Variants in PDK2 observed in about 807,000 individuals in gnomAD.
PDK2 encodes pyruvate dehydrogenase kinase, isozyme 2.
A neutral mutation model predicts 50.4 loss-of-function variants in PDK2; 34 were observed. The ratio of observed to expected loss-of-function variants is 0.68; its 90% CI spans 0.51 to 0.90. The LOEUF (loss-of-function observed/expected upper bound fraction) is 0.90. Ranked by LOEUF, PDK2 falls within the 40% of genes least tolerant of loss-of-function variation. The pLI, the probability that PDK2 is intolerant of heterozygous loss-of-function variation, is 0.00. For missense variants in PDK2, 377 were observed against 544.5 expected, an observed-to-expected ratio of 0.69 and a Z score of 3.06; for synonymous variants, 232 against 216.0, an observed-to-expected ratio of 1.07 and a Z score of -0.65.
intron 2 of PDK2, among the ~76,000 whole-genome samples, chr17:50,103,504 G>A (rs1291773845): frequency 6.6e-6 from 1 of 152,232 alleles, no homozygotes; most frequent in Non-Finnish European, 1.5e-5. Flanking sequence ...GCTAGGCACT[G>A]TGCTAATCAT....
intron 2 of PDK2, chr17:50,098,454 T>C (rs949451635): frequency 1.3e-5 from 2 of 152,202 alleles, no homozygotes; most frequent in African/African-American, 4.8e-5. Flanking sequence ...GAGTCCAGCA[T>C]AGTGCTAGGA....
rs532972380 is a variant in PDK2 at position 50,101,557 on chromosome 17, T to C, written c.261-3814T>C. On this transcript the variant is annotated intron_variant, in intron 2 of 10. Transcript: ENST00000503176. The surrounding 1 kb of genome is among the most constrained non-coding windows in gnomAD (Gnocchi z 4.2). ...CACCCTGCTCCCCAGCAGCTGTGGATACGAGTGCACAGGGCACACCCTCGC... is the reference window on the plus strand; with the variant it reads ...CACCCTGCTCCCCAGCAGCTGTGGACACGAGTGCACAGGGCACACCCTCGC... Among the ~76,000 whole-genome samples, 3,305 of 152,160 alleles carry C rather than the reference T, an allele frequency of 0.022. 105 individuals are homozygous for C. Among genetic ancestry groups the C allele is most frequent in the African/African-American group, 0.071 (2,928 of 41,496 alleles).
chr17:50,103,772 G>A (rs1013702035), intron 2 of PDK2, among the ~76,000 whole-genome samples: 1 of 152,204 alleles, frequency 6.6e-6, no homozygotes, highest in Admixed American at 6.5e-5. Context: ...GAAGCGTGGA[G>A]GTGAGAGTCG....
chr17:50,107,279 A>G lies in PDK2; in HGVS notation c.685+126A>G, dbSNP rs1910567432. 4.3e-6 allele frequency: 3 copies of G among 702,992 alleles called. No homozygotes were observed. In the African/African-American group the frequency reaches 5.3e-5, roughly 13 times the overall value. The allele number at this position is 702,992 out of a possible 1,614,324, so 43.5% of individuals were successfully genotyped here. On this transcript the variant is annotated intron_variant, in intron 6 of 10. Transcript: ENST00000503176. ...GAGAAGCAGAGTTATTATATTATTA[A>G]TTCATTTGATAAATATTTGGGCTGG...
At chr17:50,106,365 A>T in intron 4 of PDK2, 1 of 648,626 alleles carries the variant, frequency 1.5e-6, no homozygotes, top group Non-Finnish European at 2.4e-6. Flanking sequence ...ATTATGTTCA[A>T]AAACAATTTG....
chr17:50,103,316 G>A (rs551061834), intron 2 of PDK2, among the ~76,000 whole-genome samples: 4 of 151,372 alleles, frequency 2.6e-5, no homozygotes, highest in South Asian at 4.1e-4. Context: ...AGCCCCCTTC[G>A]TGTGGCAGTG....
chr17:50,108,490 C>T, intron 8 of PDK2, 73 bp downstream of exon 8: 6 of 1,417,336 alleles, frequency 4.2e-6, no homozygotes, highest in Non-Finnish European at 5.9e-6. Flanking sequence ...GACGGGCTTT[C>T]CTTTTCTCCT....
Position 50,109,592 on chromosome 17 carries a change from G to A in PDK2, c.1083+192G>A, listed in dbSNP as rs1910716444. 6.6e-6 allele frequency among the ~76,000 whole-genome samples: 1 copy of A among 152,172 alleles called. No homozygotes were observed. The highest frequency in any genetic ancestry group is 6.5e-5 in the Admixed American group (1 of 15,282). ...CCCCCAGACACGCACTGCTTGTCAGGGAATTTAGGGGAGTCTGTGGTCTAT... is the reference window on the plus strand; with the variant it reads ...CCCCCAGACACGCACTGCTTGTCAGAGAATTTAGGGGAGTCTGTGGTCTAT... On this transcript the variant is annotated intron_variant, in intron 10 of 10. Coordinates refer to ENST00000503176, the MANE Select transcript of PDK2 (RefSeq NM_002611.5). This position sits in a 1 kb window ranked among gnomAD's most constrained non-coding sequence, Gnocchi z 5.0.
At position 50,110,585 on chromosome 17, in the gene PDK2, T is replaced by TA. The variant is rs1397515859; in HGVS notation, c.*489dup. 1.3e-5 allele frequency: 2 copies of TA among 152,426 alleles called. No homozygotes were observed. Among genetic ancestry groups the TA allele is most frequent in the Middle Eastern group, 3.2e-3 (1 of 316 alleles). 9.4% of individuals were successfully genotyped at this position (152,426 alleles called of 1,614,324 possible). Reference sequence around the variant, plus strand: ...CTGGGGACTGAGTGGGGAAAGGAGTTACACCCGTGAGTGGGGAATGAGGCT... The same window carrying TA: ...CTGGGGACTGAGTGGGGAAAGGAGTTAACACCCGTGAGTGGGGAATGAGGCT... On this transcript the variant is annotated 3_prime_UTR_variant, in exon 11 of 11. Transcript: ENST00000503176.
chr17:50,097,657 G>A (rs1004036293), intron 2 of PDK2, 93 bp downstream of exon 2: 76 of 1,467,814 alleles, frequency 5.2e-5, no homozygotes, highest in Non-Finnish European at 6.9e-5. Context: ...GCAGCTTTGA[G>A]GGTGGGGTGG....
At chr17:50,103,144 TTGTC>T (rs1234182334) in intron 2 of PDK2, among the ~76,000 whole-genome samples, 1 of 152,194 alleles carries the variant, frequency 6.6e-6, no homozygotes, top group African/African-American at 2.4e-5. Context: ...GCCAGCCTGA[TTGTC>T]TGCTGGGGTG....
At chr17:50,095,849 G>A (rs1909910058) in intron 1 of PDK2, 2 of 1,076,140 alleles carry the variant, frequency 1.9e-6, no homozygotes. Flanking sequence ...TGCAGGAAGG[G>A]AGTAGGGTGG....
Position 50,108,616 on chromosome 17 carries a change from G to C in PDK2, c.866G>C (p.Ser289Thr). The change falls in exon 9 of 11, where the codon AGT (serine) becomes ACT (threonine). Residue 289 changes from serine (S) to threonine (T), a missense_variant. Around this residue, in one of 3 missense-constraint regions of PDK2, gnomAD observed 214 missense variants for 294.0 expected, o/e 0.73. Transcript: ENST00000503176. ...LGEEDLSIKM[S>T]DRGGGVPLRK... ...GACACATCCCATCTCTCCCAGATGAGTGACCGAGGTGGGGGTGTTCCCTTG... is the reference window on the plus strand; with the variant it reads ...GACACATCCCATCTCTCCCAGATGACTGACCGAGGTGGGGGTGTTCCCTTG... 1 of 1,610,284 alleles carries C rather than the reference G, an allele frequency of 6.2e-7. No individual in the cohort carries two copies.
rs1418778867 is a variant in PDK2, at chr17:50,109,139, G to C, written c.970-148G>C. Reference sequence around the variant, plus strand: ...CACCCCACACACACTTCTTACCTCAGTGTCCCCTCCCACATGTCCCCTCCC... The same window carrying C: ...CACCCCACACACACTTCTTACCTCACTGTCCCCTCCCACATGTCCCCTCCC... On this transcript the variant is annotated intron_variant, in intron 9 of 10. Transcript: ENST00000503176. The surrounding 1 kb of genome is among the most constrained non-coding windows in gnomAD (Gnocchi z 5.0). 3 of 590,246 alleles carry C rather than the reference G, an allele frequency of 5.1e-6. No homozygotes were observed. The East Asian group carries it at 8.6e-5, about 17-fold the overall frequency. The allele number at this position is 590,246 out of a possible 1,614,324, so 36.6% of individuals were successfully genotyped here.
At chr17:50,099,497 G>A (rs1276624444) in intron 2 of PDK2, among the ~76,000 whole-genome samples, 1 of 152,246 alleles carries the variant, frequency 6.6e-6, no homozygotes, top group African/African-American at 2.4e-5. Flanking sequence ...CTTCCTCAAT[G>A]AAGGATTCAG....
chr17:50,105,514 G>A, intron 3 of PDK2, 72 bp downstream of exon 3: 1 of 1,266,696 alleles, frequency 7.9e-7, no homozygotes, highest in Non-Finnish European at 1.1e-6. Flanking sequence ...AGCCCCTGGG[G>A]CAGAAGTACA....
chr17:50,095,513 C>T lies in PDK2; in HGVS notation c.78C>T (p.Phe26=), dbSNP rs779326440. The T allele has an allele frequency of 1.2e-6, 2 of 1,606,924 alleles. No individual in the cohort carries two copies. The highest frequency in any genetic ancestry group is 3.4e-5 in the Admixed American group (2 of 59,052). Residue 26 remains phenylalanine (F), a synonymous_variant, in exon 1 of 11, where the codon TTC becomes TTT. Coordinates refer to ENST00000503176, the MANE Select transcript of PDK2 (RefSeq NM_002611.5). ...AGTACATAGAGCACTTCAGCAAGTT[C>T]TCCCCGTCCCCGCTGTCCATGAAGC... ...APKYIEHFSK[F]SPSPLSMKQF...
upstream of PDK2, chr17:50,095,343 A>T: frequency 1.2e-6 from 1 of 830,014 alleles, no homozygotes; most frequent in South Asian, 1.7e-5. Context: ...GGGCAAGGGT[A>T]GGGAGGAGGC....
rs781233411 is a variant in PDK2 at position 50,095,402 on chromosome 17, G to C, written c.-34G>C. The C allele has an allele frequency of 4.7e-6, 7 of 1,496,174 alleles. No homozygotes were observed. In the African/African-American group the frequency reaches 6.9e-5, roughly 15 times the overall value. 92.7% of individuals were successfully genotyped at this position (1,496,174 alleles called of 1,614,324 possible). ...AAAGGTGCGCGAGCGCTGCCCGCGC[G>C]GGGACCACAACCAAAGTCGCGGCCG... On this transcript the variant is annotated 5_prime_UTR_variant, in exon 1 of 11. Transcript: ENST00000503176.
Sources: allele counts gnomAD v4.1 joint callset (sites outside exome capture counted in the v4.1 genomes callset), GRCh38; gene constraint gnomAD v4.1.1; regional missense constraint gnomAD v4.1.1; non-coding constraint Gnocchi (gnomAD v3.1); transcripts MANE v1.5; gene names NCBI Gene and HGNC (gene_info 2026-07-23, HGNC 2026-07-21).